Variants in PARN observed in about 807,000 individuals in gnomAD.
PARN encodes the protein poly(A)-specific ribonuclease PARN.
Under a neutral mutation model 102.8 loss-of-function variants are expected in PARN, and 71 were observed. The observed-to-expected ratio is 0.69, with a 90% CI of 0.57 to 0.84. The LOEUF (loss-of-function observed/expected upper bound fraction) is 0.84, where lower values mean the gene tolerates loss of function less well. Among genes scored for constraint, PARN ranks in the 40% least tolerant of loss-of-function variants. The pLI, the probability that PARN is intolerant of heterozygous loss-of-function variation, is 0.00. For synonymous variants in PARN, 261 were observed against 252.9 expected, an observed-to-expected ratio of 1.03 and a Z score of -0.30; for missense variants, 782 against 760.9, an observed-to-expected ratio of 1.03 and a Z score of -0.33.
intron 12 of PARN, among the ~76,000 whole-genome samples, chr16:14,596,252 A>G (rs1462255594): frequency 6.6e-6 from 1 of 152,188 alleles, no homozygotes; most frequent in East Asian, 1.9e-4. Flanking sequence ...AGAAGTGCTC[A>G]GAAAAGGATG....
intron 18 of PARN, among the ~76,000 whole-genome samples, chr16:14,577,260 T>G (rs1252882556): frequency 2.6e-5 from 4 of 152,212 alleles, no homozygotes; most frequent in African/African-American, 7.2e-5. Flanking sequence ...TGGGGGCAAC[T>G]ACCAAATGTT....
chr16:14,484,547 TA>T (rs1221118887), intron 21 of PARN, among the ~76,000 whole-genome samples: 3 of 152,144 alleles, frequency 2.0e-5, no homozygotes, highest in Non-Finnish European at 4.4e-5. Flanking sequence ...TAGTTCTCAA[TA>T]AAAATGATGT....
At chr16:14,551,676 G>A (rs1244928923) in intron 21 of PARN, among the ~76,000 whole-genome samples, 2 of 152,274 alleles carry the variant, frequency 1.3e-5, no homozygotes, top group East Asian at 3.9e-4. Flanking sequence ...AAAGTACAGA[G>A]ATGAACAGGT....
At chr16:14,603,802 T>C (rs2151786748) in intron 11 of PARN, among the ~76,000 whole-genome samples, 1 of 152,326 alleles carries the variant, frequency 6.6e-6, no homozygotes, top group South Asian at 2.1e-4. Flanking sequence ...GCTCTGAACT[T>C]GGTTTAAGGA....
At chr16:14,453,521 T>C (rs1355489675) in intron 22 of PARN, among the ~76,000 whole-genome samples, 1 of 152,222 alleles carries the variant, frequency 6.6e-6, no homozygotes, top group Admixed American at 6.5e-5. Flanking sequence ...GAATTGCTTA[T>C]AACCATGTAA....
chr16:14,454,977 A>G (rs1961614916), intron 22 of PARN, among the ~76,000 whole-genome samples: 1 of 152,252 alleles, frequency 6.6e-6, no homozygotes, highest in African/African-American at 2.4e-5. Flanking sequence ...TCAATAACAC[A>G]TAAAAATAAC....
At position 14,494,676 on chromosome 16, in the gene PARN, A is replaced by G. The variant is rs191949028; in HGVS notation, c.1481-11849T>C. ...GGAACGATGCGCAGAGGAGCGCCAC[A>G]CTGAGGAGTTCAGTCAGGAGGGCCT... On this transcript the variant is annotated intron_variant, in intron 21 of 23. Coordinates refer to ENST00000437198, the MANE Select transcript of PARN (RefSeq NM_002582.4). Among the ~76,000 whole-genome samples the G allele has an allele frequency of 3.3e-5, 5 of 152,358 alleles. No homozygotes were observed. The East Asian group carries it at 9.6e-4, about 29-fold the overall frequency.
chr16:14,570,356 A>G (rs1409833700), intron 18 of PARN, among the ~76,000 whole-genome samples: 1 of 150,618 alleles, frequency 6.6e-6, no homozygotes, highest in Non-Finnish European at 1.5e-5. Flanking sequence ...AAAGAAAAGA[A>G]AAAGGAAAGA....
intron 5 of PARN, 148 bp from the exon 6 acceptor site, chr16:14,617,798 CACAA>C: frequency 1.6e-6 from 1 of 626,126 alleles, no homozygotes; most frequent in Non-Finnish European, 2.9e-6. Flanking sequence ...ATTTCTACTC[CACAA>C]ACAATCCATT....
rs575170675 is a variant in PARN at position 14,570,529 on chromosome 16, A to G, written c.1262+10345T>C. Among the ~76,000 whole-genome samples, 12 of 151,318 alleles carry G rather than the reference A, an allele frequency of 7.9e-5. No homozygotes were observed. In the South Asian group the frequency reaches 2.5e-3, roughly 32 times the overall value. On this transcript the variant is annotated intron_variant, in intron 18 of 23. Transcript: ENST00000437198. ...GCCAGACACGGTGGCGCATGCTTGT[A>G]GTCTCAGCTACTCAAGAGGCTGAGG...
chr16:14,482,653 T>A lies in PARN; in HGVS notation c.1655A>T (p.Tyr552Phe). The change falls in exon 22 of 24, where the codon TAT becomes TTT. Residue 552 changes from tyrosine to phenylalanine, a missense_variant. By Grantham distance (22) the Tyr-to-Phe change is conservative. Coordinates refer to ENST00000437198, the MANE Select transcript of PARN (RefSeq NM_002582.4). ...QCIPYTLQNH[Y>F]YRNNSFTAPS... is the part of the protein sequence containing the mutation. ...GAGCTCTTACCTATTGTTGCGGTAATAGTGATTCTGCAGGGTGTAGGGTAT... is the reference window on the plus strand; with the variant it reads ...GAGCTCTTACCTATTGTTGCGGTAAAAGTGATTCTGCAGGGTGTAGGGTAT... 2 of 1,605,394 alleles carry A rather than the reference T, an allele frequency of 1.2e-6. No individual in the cohort carries two copies. Among genetic ancestry groups the A allele is most frequent in the Non-Finnish European group, 1.7e-6 (2 of 1,176,694 alleles).
chr16:14,627,304 G>A lies in PARN; in HGVS notation c.210C>T (p.Gly70=), dbSNP rs748166497. 19 of 1,593,626 alleles carry A rather than the reference G, an allele frequency of 1.2e-5. No homozygotes were observed. Among genetic ancestry groups the A allele is most frequent in the Non-Finnish European group, 1.6e-5 (19 of 1,169,494 alleles). The change falls in exon 4 of 24, where the codon GGC becomes GGT. Residue 70 remains glycine (G), a synonymous_variant. Coordinates refer to ENST00000437198, the MANE Select transcript of PARN (RefSeq NM_002582.4). Reference sequence around the variant, plus strand: ...TGTAGTCATACTTAAAAGTGCAAAGGCCAAACTGAAATAGCAAAAAGTCCA... The same window carrying A: ...TGTAGTCATACTTAAAAGTGCAAAGACCAAACTGAAATAGCAAAAAGTCCA... ...HSMDFLLFQF[G]LCTFKYDYTD... is the part of the protein sequence containing the mutation.
At chr16:14,559,465 G>A (rs564693373) in intron 18 of PARN, among the ~76,000 whole-genome samples, 1 of 151,308 alleles carries the variant, frequency 6.6e-6, no homozygotes, top group South Asian at 2.1e-4. Flanking sequence ...TGTAGGGTAC[G>A]TGAGATGTTT....
chr16:14,444,983 ATTTT>A (rs564058919), intron 23 of PARN, among the ~76,000 whole-genome samples: 2 of 117,962 alleles, frequency 1.7e-5, no homozygotes, highest in East Asian at 5.0e-4. Context: ...TAATATTTAA[ATTTT>A]TTTTTTTTTT....
chr16:14,596,920 G>A (rs2151773720), intron 12 of PARN, among the ~76,000 whole-genome samples: 1 of 151,982 alleles, frequency 6.6e-6, no homozygotes, highest in South Asian at 2.1e-4. Context: ...CCAAGTAGCT[G>A]GGATTACAGG....
chr16:14,559,134 T>C (rs970515475), intron 18 of PARN, among the ~76,000 whole-genome samples: 7 of 151,950 alleles, frequency 4.6e-5, no homozygotes, highest in Admixed American at 3.3e-4. Flanking sequence ...ACAACAAATT[T>C]AGGAAACTCA....
intron 10 of PARN, among the ~76,000 whole-genome samples, chr16:14,604,576 T>G (rs928857581): frequency 4.6e-5 from 7 of 152,012 alleles, no homozygotes; most frequent in Non-Finnish European, 8.8e-5. Context: ...ATATACAATT[T>G]TCTAGAGACA....
chr16:14,514,432 C>T (rs186177434), intron 21 of PARN, among the ~76,000 whole-genome samples: 233 of 152,160 alleles, frequency 1.5e-3, no homozygotes, highest in African/African-American at 5.4e-3. Context: ...ATGATCCACC[C>T]GCCTCAGCCT....
chr16:14,500,778 G>A (rs1265584209), intron 21 of PARN, among the ~76,000 whole-genome samples: 2 of 152,090 alleles, frequency 1.3e-5, no homozygotes, highest in African/African-American at 4.8e-5. Flanking sequence ...AGCTTTCATG[G>A]AACCCAGCTA....
Sources: gnomAD v4.1 joint callset for allele counts (sites outside exome capture counted in the v4.1 genomes callset) on GRCh38, gnomAD v4.1.1 for gene constraint, MANE v1.5 for transcripts, NCBI Gene and HGNC (gene_info 2026-07-23, HGNC 2026-07-21) for gene names.